CEP112: variants seen among roughly 807,000 people sequenced by gnomAD.
CEP112 encodes centrosomal protein of 112 kDa.
Under a neutral mutation model 153.0 loss-of-function variants are expected in CEP112, and 127 were observed. That is an observed-to-expected ratio of 0.83 (90% confidence interval 0.72 to 0.96). CEP112 has a LOEUF of 0.96. CEP112 is among the 40% of genes least tolerant of loss of function. The pLI, the probability that CEP112 is intolerant of heterozygous loss-of-function variation, is 0.00. For missense variants in CEP112, 1,089 were observed against 1,101.2 expected (o/e 0.99, Z 0.16); for synonymous variants, 358 against 374.4 (o/e 0.96, Z 0.51).
chr17:66,021,790 T>C (rs1367101439), intron 16 of CEP112, among the ~76,000 whole-genome samples: 1 of 152,154 alleles, frequency 6.6e-6, no homozygotes, highest in South Asian at 2.1e-4. Flanking sequence ...TGCCCAGATT[T>C]GGCCTCCACT....
chr17:65,756,405 CAAAAAAAAAAAAAAAAAAA>C (rs766476895), intron 21 of CEP112, among the ~76,000 whole-genome samples: 10 of 30,514 alleles, frequency 3.3e-4, no homozygotes, highest in African/African-American at 1.2e-3. Flanking sequence ...GACTCCGTCT[CAAAAAAAAAAAAAAAAAAA>C]AAAAAAAAAG....
At chr17:65,682,295 A>T (rs146207360) in intron 24 of CEP112, among the ~76,000 whole-genome samples, 10 of 152,152 alleles carry the variant, frequency 6.6e-5, no homozygotes, top group Non-Finnish European at 1.3e-4. Context: ...CCCAGCCTGA[A>T]TTTTTGCTTT....
intron 16 of CEP112, among the ~76,000 whole-genome samples, chr17:66,023,097 C>T (rs1016073639): frequency 3.9e-5 from 6 of 152,104 alleles, no homozygotes; most frequent in African/African-American, 1.4e-4. Flanking sequence ...CAAAAGATTG[C>T]CATTCCTGAA....
chr17:65,991,783 T>C (rs1037146703), intron 17 of CEP112, among the ~76,000 whole-genome samples: 1 of 152,120 alleles, frequency 6.6e-6, no homozygotes, highest in Admixed American at 6.5e-5. Flanking sequence ...ATTAATTTCT[T>C]GAGATATTTT....
At chr17:65,669,116 T>C (rs1180871019) in intron 24 of CEP112, among the ~76,000 whole-genome samples, 7 of 152,320 alleles carry the variant, frequency 4.6e-5, no homozygotes, top group African/African-American at 1.7e-4. Flanking sequence ...GGGAAACATT[T>C]TGGGAGAGCG....
rs557909782 is a variant in CEP112, at chr17:65,826,123, T to C, written c.2394+25681A>G. ...GATCCCTATGTCAGGAGGACAGAGGTTGTCTTGTTCTTACCTTCTTCTCTT... is the reference window on the plus strand; with the variant it reads ...GATCCCTATGTCAGGAGGACAGAGGCTGTCTTGTTCTTACCTTCTTCTCTT... On this transcript the variant is annotated intron_variant, in intron 21 of 26. Coordinates refer to ENST00000535342, the MANE Select transcript of CEP112 (RefSeq NM_001199165.4). The C allele has an allele frequency of 9.3e-6, 15 of 1,612,934 alleles. No homozygotes were observed. In the African/African-American group the frequency reaches 1.6e-4, roughly 17 times the overall value.
intron 17 of CEP112, among the ~76,000 whole-genome samples, chr17:65,968,188 A>G (rs1017109726): frequency 1.6e-4 from 24 of 152,134 alleles, no homozygotes; most frequent in Admixed American, 1.5e-3. Flanking sequence ...TTAGGAGAGG[A>G]AGAAAGACAG....
chr17:65,976,697 T>C (rs1386881104), intron 17 of CEP112, among the ~76,000 whole-genome samples: 1 of 151,642 alleles, frequency 6.6e-6, no homozygotes, highest in Admixed American at 6.6e-5. Context: ...ATATAGGCCA[T>C]ATTTAATCTA....
At chr17:66,119,224 A>C (rs1365103083) in intron 6 of CEP112, among the ~76,000 whole-genome samples, 1 of 152,202 alleles carries the variant, frequency 6.6e-6, no homozygotes, top group Non-Finnish European at 1.5e-5. Context: ...GGAGAGCATT[A>C]GAAAAAAGAG....
chr17:65,869,728 C>T (rs931625625), intron 20 of CEP112, among the ~76,000 whole-genome samples: 27 of 151,654 alleles, frequency 1.8e-4, no homozygotes, highest in African/African-American at 3.6e-4. Flanking sequence ...TACAGGCAGG[C>T]GCCCGCCACC....
chr17:65,982,235 T>C lies in CEP112; in HGVS notation c.1737-20637A>G, dbSNP rs541905262. Among the ~76,000 whole-genome samples, 6 of 152,316 alleles carry C rather than the reference T, an allele frequency of 3.9e-5. No individual in the cohort carries two copies. In the East Asian group the frequency reaches 1.2e-3, roughly 29 times the overall value. ...CAACCCAATTATATGCTATTTTTTA[T>C]GATAATAACTATACATGGATGGATA... On this transcript the variant is annotated intron_variant, in intron 17 of 26. Coordinates refer to ENST00000535342, the MANE Select transcript of CEP112 (RefSeq NM_001199165.4).
intron 24 of CEP112, among the ~76,000 whole-genome samples, chr17:65,667,558 T>C (rs1432757882): frequency 1.3e-5 from 2 of 149,268 alleles, no homozygotes; most frequent in East Asian, 2.0e-4. Context: ...TTTGTACTCT[T>C]ACACACACAC....
intron 20 of CEP112, among the ~76,000 whole-genome samples, 161 bp downstream of exon 20, chr17:65,901,983 CGGGGGGGG>C (rs1193965831): frequency 8.1e-4 from 4 of 4,936 alleles, no homozygotes; most frequent in Non-Finnish European, 1.4e-3. Flanking sequence ...CATCCCAAAA[CGGGGGGGG>C]GGGGGGGTGG....
At chr17:65,858,562 C>T (rs930815991) in intron 20 of CEP112, among the ~76,000 whole-genome samples, 1 of 151,976 alleles carries the variant, frequency 6.6e-6, no homozygotes, top group Non-Finnish European at 1.5e-5. Flanking sequence ...TAATATCTCT[C>T]TTTTATTGAT....
intron 20 of CEP112, among the ~76,000 whole-genome samples, chr17:65,901,438 A>C (rs1429965762): frequency 6.6e-6 from 1 of 152,216 alleles, no homozygotes. Context: ...TCACAAAGAT[A>C]CACATCCAAT....
intron 17 of CEP112, among the ~76,000 whole-genome samples, chr17:65,970,389 ATTACATG>A (rs1568313788): frequency 3.4e-5 from 2 of 59,634 alleles, no homozygotes; most frequent in African/African-American, 9.1e-5. Context: ...ATGCATATAT[ATTACATG>A]CATGCACACA....
At chr17:65,889,765 T>G (rs1025994311) in intron 20 of CEP112, among the ~76,000 whole-genome samples, 3 of 152,096 alleles carry the variant, frequency 2.0e-5, no homozygotes, top group Non-Finnish European at 4.4e-5. Flanking sequence ...TCCTACAGCA[T>G]GTCAAACCAT....
chr17:66,072,100 T>C (rs577401125), intron 8 of CEP112, among the ~76,000 whole-genome samples: 14 of 152,180 alleles, frequency 9.2e-5, no homozygotes, highest in Non-Finnish European at 1.9e-4. Flanking sequence ...TTGCCCTATA[T>C]GCTTTGTCAT....
chr17:65,802,721 A>C (rs2055353826), intron 21 of CEP112, among the ~76,000 whole-genome samples: 1 of 152,228 alleles, frequency 6.6e-6, no homozygotes, highest in Non-Finnish European at 1.5e-5. Context: ...GTGAGCAGGA[A>C]TTGTATATAT....
Sources: gnomAD v4.1 joint callset for allele counts (sites outside exome capture counted in the v4.1 genomes callset) on GRCh38, gnomAD v4.1.1 for gene constraint, MANE v1.5 for transcripts, NCBI Gene and HGNC (gene_info 2026-07-23, HGNC 2026-07-21) for gene names.